Variants in CHEK2 observed in about 807,000 individuals in gnomAD.
CHEK2 encodes the protein serine/threonine-protein kinase Chk2.
Under a neutral mutation model 69.1 loss-of-function variants are expected in CHEK2, and 71 were observed. That is an observed-to-expected ratio of 1.03 (90% CI 0.85 to 1.25). The LOEUF (loss-of-function observed/expected upper bound fraction) is 1.25, where lower values mean the gene tolerates loss of function less well. CHEK2 is among the 50% of genes most tolerant of loss of function. CHEK2 has a pLI of 0.00. For synonymous variants in CHEK2, 189 were observed against 226.9 expected, an observed-to-expected ratio of 0.83 and a Z score of 1.50; for missense variants, 664 against 649.6, an observed-to-expected ratio of 1.02 and a Z score of -0.24.
At chr22:28,717,583 AT>A (rs1401819195) in intron 5 of CHEK2, among the ~76,000 whole-genome samples, 2 of 151,800 alleles carry the variant, frequency 1.3e-5, no homozygotes, top group African/African-American at 4.8e-5. Context: ...AAAAAAAAAA[AT>A]AAAAATTAGG....
intron 5 of CHEK2, among the ~76,000 whole-genome samples, chr22:28,715,722 G>A (rs1322683814): frequency 6.6e-6 from 1 of 151,978 alleles, no homozygotes; most frequent in African/African-American, 2.4e-5. Context: ...GCCCGGCCTG[G>A]CTATTTCCCA....
At chr22:28,726,717 A>G (rs2054025609) in intron 2 of CHEK2, among the ~76,000 whole-genome samples, 1 of 147,980 alleles carries the variant, frequency 6.8e-6, no homozygotes, top group Non-Finnish European at 1.5e-5. Flanking sequence ...ATTACTTGCA[A>G]TACAGTAATT....
chr22:28,698,364 C>T (rs12170705), intron 9 of CHEK2, among the ~76,000 whole-genome samples: 55,220 of 151,682 alleles, frequency 0.36, 11,806 homozygotes, highest in Non-Finnish European at 0.49. Context: ...CATTGGACTC[C>T]AGCCTGGGCG....
intron 9 of CHEK2, among the ~76,000 whole-genome samples, chr22:28,699,484 C>G (rs1306198553): frequency 3.3e-5 from 5 of 151,294 alleles, no homozygotes; most frequent in South Asian, 2.1e-4. Context: ...CCTGCCTCAG[C>G]CTCCCGAGTA....
At chr22:28,705,667 T>C (rs887102005) in intron 7 of CHEK2, among the ~76,000 whole-genome samples, 12 of 152,158 alleles carry the variant, frequency 7.9e-5, no homozygotes, top group Non-Finnish European at 1.6e-4. Context: ...GGCACATGCC[T>C]GTAATCCCAG....
intron 5 of CHEK2, among the ~76,000 whole-genome samples, chr22:28,716,166 C>T (rs545118475): frequency 6.6e-6 from 1 of 151,668 alleles, no homozygotes; most frequent in Non-Finnish European, 1.5e-5. Flanking sequence ...AGCCACCATA[C>T]CCAGCCTCAT....
At chr22:28,735,412 A>G (rs1226537611) in intron 1 of CHEK2, among the ~76,000 whole-genome samples, 2 of 152,012 alleles carry the variant, frequency 1.3e-5, no homozygotes, top group Non-Finnish European at 2.9e-5. Context: ...TTTCAAAAAA[A>G]AAAACTCATA....
chr22:28,711,975 T>C lies in CHEK2; in HGVS notation c.726A>G (p.Thr242=), dbSNP rs150150389. 1.2e-6 allele frequency: 2 copies of C among 1,613,936 alleles called. No individual in the cohort carries two copies. Among genetic ancestry groups the C allele is most frequent in the African/African-American group, 1.3e-5 (1 of 74,940 alleles). Residue 242 remains threonine, a synonymous_variant, in exon 6 of 15, where the codon ACA becomes ACG. Transcript: ENST00000404276. The stretch of plus-strand genomic sequence containing the variant: ...TGATCTTTATGGCTACTTTCTTACA[T>C]GTTTTCCTCTCGAAAGCCAGCTTTA... ...GEVKLAFERK[T]CKKVAIKIIS...
At position 28,719,428 on chromosome 22, in the gene CHEK2, C is replaced by A. The variant is rs1486909310; in HGVS notation, c.650G>T (p.Arg217Ile). The A allele has an allele frequency of 6.3e-7, 1 of 1,596,562 alleles. No individual in the cohort carries two copies. The change falls in exon 5 of 15, where the codon AGA becomes ATA. Residue 217 changes from arginine to isoleucine, a missense_variant. Physicochemically the swap from Arg to Ile is moderately conservative, Grantham distance 97. Transcript: ENST00000404276. Reference sequence around the variant, plus strand: ...AGTTTTTGACATGATGTATTCATCTCTTAATGCCTTAGGATAAACTGACTG... The same window carrying A: ...AGTTTTTGACATGATGTATTCATCTATTAATGCCTTAGGATAAACTGACTG... Reference protein sequence around the residue: ...DDQSVYPKALRDEYIMSKTLG... With the variant: ...DDQSVYPKALIDEYIMSKTLG...
At chr22:28,697,732 A>G (rs1454828873) in intron 9 of CHEK2, among the ~76,000 whole-genome samples, 1 of 151,984 alleles carries the variant, frequency 6.6e-6, no homozygotes, top group Non-Finnish European at 1.5e-5. Context: ...ATGCCACTTC[A>G]ACCAGCTAAC....
At chr22:28,723,773 C>A (rs190711988) in intron 4 of CHEK2, among the ~76,000 whole-genome samples, 6 of 151,828 alleles carry the variant, frequency 4.0e-5, no homozygotes, top group Admixed American at 2.0e-4. Context: ...CATGGTAAAA[C>A]CCCGTCTCTA....
chr22:28,735,662 A>G, intron 1 of CHEK2, among the ~76,000 whole-genome samples: 1 of 150,462 alleles, frequency 6.6e-6, no homozygotes, highest in East Asian at 2.0e-4. Context: ...CAGGTAGATC[A>G]CCTGAGATCA....
At chr22:28,698,029 G>C (rs780073661) in intron 9 of CHEK2, among the ~76,000 whole-genome samples, 1 of 151,742 alleles carries the variant, frequency 6.6e-6, no homozygotes, top group Non-Finnish European at 1.5e-5. Flanking sequence ...GGCTTGCGTT[G>C]TACCCCATAA....
Position 28,711,965 on chromosome 22 carries a change from C to G in CHEK2, c.736G>C (p.Val246Leu), listed in dbSNP as rs748504161. 3 of 1,613,088 alleles carry G rather than the reference C, an allele frequency of 1.9e-6. No individual in the cohort carries two copies. The highest frequency in any genetic ancestry group is 1.7e-4 in the Middle Eastern group (1 of 6,060). Reference protein sequence around the residue: ...LAFERKTCKKVAIKIISKRKF... With the variant: ...LAFERKTCKKLAIKIISKRKF... ...CTTTTGCTGATGATCTTTATGGCTA[C>G]TTTCTTACATGTTTTCCTCTCGAAA... Residue 246 changes from valine (V) to leucine (L), a missense_variant, in exon 6 of 15, where the codon GTA (valine) becomes CTA (leucine). Val to Leu is a conservative substitution (Grantham distance 32, BLOSUM62 1). Coordinates refer to ENST00000404276, the MANE Select transcript of CHEK2 (RefSeq NM_007194.4).
rs914935420 is a variant in CHEK2, at chr22:28,736,353, GTA to G, written c.-6-1628_-6-1627del. ...GGTCCATTTACATAAAATGTCACTG[GTA>G]CCCCTTTTCCCCCAGGCTTGCTCCT... On this transcript the variant is annotated intron_variant, in intron 1 of 14. Transcript: ENST00000404276. 4.5e-4 allele frequency among the ~76,000 whole-genome samples: 68 copies of G among 152,222 alleles called. 1 individual carries two copies. Among genetic ancestry groups the G allele is most frequent in the African/African-American group, 1.5e-3 (61 of 41,540 alleles).
rs876660019 is a variant in CHEK2 at position 28,734,636 on chromosome 22, T to C, written c.86A>G (p.Gln29Arg). Residue 29 changes from glutamine to arginine, a missense_variant, in exon 2 of 15, where the codon CAA becomes CGA. Physicochemically the swap from Gln to Arg is conservative, Grantham distance 43. Transcript: ENST00000404276. ...GCCCTGGGACTGTGAGGAGGAGCCTTGGGACTGGGTAACGCTGCCATGGGG... is the reference window on the plus strand; with the variant it reads ...GCCCTGGGACTGTGAGGAGGAGCCTCGGGACTGGGTAACGCTGCCATGGGG... ...SQPHGSVTQS[Q>R]GSSSQSQGIS... 6.2e-7 allele frequency: 1 copy of C among 1,613,760 alleles called. No individual in the cohort carries two copies. The highest frequency in any genetic ancestry group is 1.1e-5 in the South Asian group (1 of 91,028).
chr22:28,734,774 G>GACTT (rs1232891011), intron 1 of CHEK2, 47 bp from the exon 2 acceptor site: 1 of 1,471,124 alleles, frequency 6.8e-7, no homozygotes, highest in South Asian at 1.2e-5. Flanking sequence ...CAAGGCACAA[G>GACTT]ACTTAAAATT....
intron 7 of CHEK2, among the ~76,000 whole-genome samples, chr22:28,704,115 C>G (rs75044154): frequency 3.2e-5 from 3 of 92,576 alleles, no homozygotes; most frequent in African/African-American, 8.2e-5. Flanking sequence ...GAGAGAGAGA[C>G]AGACAGACAC....
chr22:28,696,418 G>C (rs1436813912), intron 10 of CHEK2, among the ~76,000 whole-genome samples: 3 of 152,198 alleles, frequency 2.0e-5, no homozygotes, highest in Admixed American at 6.5e-5. Context: ...CTTTTGCACA[G>C]GCTGGAGTGC....
Sources: gnomAD v4.1 joint callset for allele counts (sites outside exome capture counted in the v4.1 genomes callset) on GRCh38, gnomAD v4.1.1 for gene constraint, MANE v1.5 for transcripts, NCBI Gene and HGNC (gene_info 2026-07-23, HGNC 2026-07-21) for gene names.